The following DNAJC2 variants were observed in gnomAD, a reference collection of about 807,000 sequenced individuals.
DNAJC2 encodes dnaJ homolog subfamily C member 2.
Under a neutral mutation model 94.0 loss-of-function variants are expected in DNAJC2, and 32 were observed. That is an observed-to-expected ratio of 0.34 (90% CI 0.26 to 0.46). The LOEUF (loss-of-function observed/expected upper bound fraction) is 0.46. Ranked by LOEUF, DNAJC2 falls within the 20% of genes least tolerant of loss-of-function variation. DNAJC2 has a pLI of 1.00. For synonymous variants in DNAJC2, 210 were observed against 229.7 expected, an observed-to-expected ratio of 0.91 and a Z score of 0.77; for missense variants, 550 against 719.5, an observed-to-expected ratio of 0.76 and a Z score of 2.69.
At position 103,312,614 on chromosome 7, in the gene DNAJC2, T is replaced by C; in HGVS notation, c.1821A>G (p.Lys607=). The change falls in exon 17 of 17, where the codon AAA becomes AAG. Residue 607 remains lysine (K), a synonymous_variant. Coordinates refer to ENST00000379263, the MANE Select transcript of DNAJC2 (RefSeq NM_014377.3). Reference sequence around the variant, plus strand: ...CATTCAGCACTTGTTCTTGAGCAGCTTTCTTTGCTTTTACCATCTCGACAA... The same window carrying C: ...CATTCAGCACTTGTTCTTGAGCAGCCTTCTTTGCTTTTACCATCTCGACAA... ...KELVEMVKAK[K]AAQEQVLNAS... 6.2e-7 allele frequency: 1 copy of C among 1,613,726 alleles called. No homozygotes were observed. The highest frequency in any genetic ancestry group is 1.1e-5 in the South Asian group (1 of 91,020).
chr7:103,315,743 G>A (rs369450606), intron 15 of DNAJC2, 21 bp downstream of exon 15: 40 of 1,551,544 alleles, frequency 2.6e-5, no homozygotes, highest in Non-Finnish European at 3.2e-5. Context: ...CATTTTCTAC[G>A]TTTAGAAAAG....
At chr7:103,336,358 T>C (rs1435366784) in intron 3 of DNAJC2, 4 of 152,220 alleles carry the variant, frequency 2.6e-5, no homozygotes, top group Non-Finnish European at 5.9e-5. Context: ...TTCTATTTTT[T>C]CGGAAACAGA....
In DNAJC2 at chr7:103,316,932, TTC is replaced by T; in HGVS notation, c.1323_1324del (p.Lys442IlefsTer10). 2 of 1,614,122 alleles carry T rather than the reference TTC, an allele frequency of 1.2e-6. No homozygotes were observed. The highest frequency in any genetic ancestry group is 1.7e-6 in the Non-Finnish European group (2 of 1,180,010). On this transcript the variant is annotated frameshift_variant, in exon 13 of 17. Coordinates refer to ENST00000379263, the MANE Select transcript of DNAJC2 (RefSeq NM_014377.3). LOFTEE classifies it high-confidence loss of function. ...TCCATTTCCACCTCCACCAGTTGATTTCTCTGTGTTCTTAGATGCTTGTCGCA... is the reference window on the plus strand; with the variant it reads ...TCCATTTCCACCTCCACCAGTTGATTTCTGTGTTCTTAGATGCTTGTCGCA...
chr7:103,324,243 A>C (rs759754400), intron 6 of DNAJC2, among the ~76,000 whole-genome samples: 9 of 152,200 alleles, frequency 5.9e-5, no homozygotes, highest in African/African-American at 1.2e-4. Flanking sequence ...AAATGTACTT[A>C]TTTTTATTCA....
intron 2 of DNAJC2, among the ~76,000 whole-genome samples, chr7:103,341,249 T>A (rs899285438): frequency 6.6e-6 from 1 of 152,218 alleles, no homozygotes. Context: ...GGAATTACTT[T>A]TCTAAAATTA....
chr7:103,341,187 AC>A (rs1212479108), intron 2 of DNAJC2, among the ~76,000 whole-genome samples: 1 of 152,096 alleles, frequency 6.6e-6, no homozygotes, highest in Non-Finnish European at 1.5e-5. Context: ...TAAACTATTC[AC>A]TTCCCCTCCA....
At chr7:103,320,557 G>A (rs1050568993) in intron 10 of DNAJC2, among the ~76,000 whole-genome samples, 3 of 150,944 alleles carry the variant, frequency 2.0e-5, no homozygotes, top group South Asian at 4.2e-4. Flanking sequence ...TCAGGAGATC[G>A]AGACCATCCT....
At chr7:103,324,190 TCCTC>T (rs2115904500) in intron 6 of DNAJC2, among the ~76,000 whole-genome samples, 1 of 152,346 alleles carries the variant, frequency 6.6e-6, no homozygotes, top group Non-Finnish European at 1.5e-5. Context: ...ACTGTCTCCT[TCCTC>T]ATGAACTCAA....
chr7:103,336,342 A>G (rs182607235), intron 3 of DNAJC2: 5 of 152,188 alleles, frequency 3.3e-5, no homozygotes, highest in Non-Finnish European at 7.3e-5. Context: ...TGGTATTTGT[A>G]TGCTATTCTA....
chr7:103,314,079 T>G (rs1586058999), intron 15 of DNAJC2: 1 of 985,310 alleles, frequency 1.0e-6, no homozygotes, highest in Non-Finnish European at 1.2e-6. Flanking sequence ...AGCAGAGAAT[T>G]TGTATAATAT....
intron 3 of DNAJC2, 44 bp from the exon 4 acceptor site, chr7:103,327,798 C>A: frequency 1.5e-6 from 2 of 1,333,772 alleles, no homozygotes; most frequent in South Asian, 1.2e-5. Flanking sequence ...CTTTAAGCAC[C>A]AAAAATAAAG....
chr7:103,341,259 A>T (rs1477309086), intron 2 of DNAJC2, among the ~76,000 whole-genome samples: 1 of 152,202 alleles, frequency 6.6e-6, no homozygotes, highest in Admixed American at 6.5e-5. Context: ...TTCTAAAATT[A>T]GCTAAGAAAC....
In DNAJC2 at chr7:103,322,773, A is replaced by C. The variant is rs1818490986; in HGVS notation, c.741T>G (p.Ile247Met). Reference protein sequence around the residue: ...KAECRDERRWIEKQNRATRAQ... With the variant: ...KAECRDERRWMEKQNRATRAQ... ...CTCTTGTTGCTCTGTTCTGCTTTTC[A>C]ATCCATCTCCTCTCATCACGACTAT... Residue 247 changes from isoleucine to methionine, a missense_variant, in exon 8 of 17, where the codon ATT becomes ATG. Ile to Met is a conservative substitution (Grantham distance 10). Around this residue, in one of 2 missense-constraint regions of DNAJC2, gnomAD observed 279 missense variants for 416.9 expected, o/e 0.67. Transcript: ENST00000379263. 2 of 1,606,402 alleles carry C rather than the reference A, an allele frequency of 1.2e-6. No individual in the cohort carries two copies. The highest frequency in any genetic ancestry group is 1.7e-6 in the Non-Finnish European group (2 of 1,179,592).
intron 3 of DNAJC2, chr7:103,328,980 TTC>T: frequency 3.1e-6 from 4 of 1,277,762 alleles, no homozygotes; most frequent in Non-Finnish European, 4.1e-6. Flanking sequence ...ACAAGTTATT[TTC>T]CAAAAGGCAA....
In DNAJC2 at chr7:103,312,532, C is replaced by A; in HGVS notation, c.*37G>T. ...AGAATGAAAATGTTTACAGTATTTT[C>A]AGTTTTATTATAAAAATGCACACAC... On this transcript the variant is annotated 3_prime_UTR_variant, in exon 17 of 17. Coordinates refer to ENST00000379263, the MANE Select transcript of DNAJC2 (RefSeq NM_014377.3). 1.3e-6 allele frequency: 2 copies of A among 1,593,584 alleles called. No individual in the cohort carries two copies. Among genetic ancestry groups the A allele is most frequent in the South Asian group, 2.3e-5 (2 of 86,386 alleles).
At chr7:103,327,781 T>C (rs528605759) in intron 3 of DNAJC2, 27 bp from the exon 4 acceptor site, 1 of 1,523,688 alleles carries the variant, frequency 6.6e-7, no homozygotes, top group South Asian at 1.2e-5. Flanking sequence ...ATTGAGATAA[T>C]TTGTCACTTT....
intron 10 of DNAJC2, among the ~76,000 whole-genome samples, chr7:103,320,114 G>A (rs940685895): frequency 4.6e-5 from 7 of 152,120 alleles, no homozygotes; most frequent in African/African-American, 9.6e-5. Flanking sequence ...TCTTTGAGAC[G>A]GAGTCTCACT....
rs911024381 is a variant in DNAJC2 at position 103,316,642 on chromosome 7, G to T, written c.1427+188C>A. 525 of 594,296 alleles carry T rather than the reference G, an allele frequency of 8.8e-4. 1 individual carries two copies. The highest frequency in any genetic ancestry group is 1.2e-3 in the Non-Finnish European group (412 of 335,848). The allele number at this position is 594,296 out of a possible 1,614,324, so 36.8% of individuals were successfully genotyped here. A position where few individuals can be genotyped will look rare whatever the true frequency, so the allele number is the denominator to read the frequency against. On this transcript the variant is annotated intron_variant, in intron 13 of 16. Coordinates refer to ENST00000379263, the MANE Select transcript of DNAJC2 (RefSeq NM_014377.3). ...CAAGTATTCTGTCATATGTATATGT[G>T]CATGTGTACTGATGCAATGGGTAAG...
chr7:103,312,897 C>T (rs1357939354), intron 16 of DNAJC2, 50 bp downstream of exon 16: 1 of 1,576,636 alleles, frequency 6.3e-7, no homozygotes, highest in Non-Finnish European at 8.6e-7. Context: ...GCTATATCAC[C>T]CAAGCTACAA....
Sources: gnomAD v4.1 joint callset for allele counts (sites outside exome capture counted in the v4.1 genomes callset) on GRCh38, gnomAD v4.1.1 for gene constraint, gnomAD v4.1.1 regional missense constraint, MANE v1.5 for transcripts, NCBI Gene and HGNC (gene_info 2026-07-23, HGNC 2026-07-21) for gene names.